EGFR: variants seen among roughly 807,000 people sequenced by gnomAD.
EGFR encodes avian erythroblastic leukemia viral (v-erb-b) oncogene homolog.
Under a neutral mutation model 143.0 loss-of-function variants are expected in EGFR, and 58 were observed. That is an observed-to-expected ratio of 0.41 (90% CI 0.33 to 0.50). The LOEUF is 0.50. EGFR is among the 20% of genes least tolerant of loss of function. EGFR has a pLI of 0.39. For synonymous variants in EGFR, 613 were observed against 594.4 expected, an observed-to-expected ratio of 1.03 and a Z score of -0.45; for missense variants, 1,307 against 1,579.0, an observed-to-expected ratio of 0.83 and a Z score of 2.92.
chr7:55,049,466 A>C (rs1211063128), intron 1 of EGFR, among the ~76,000 whole-genome samples: 1 of 152,202 alleles, frequency 6.6e-6, no homozygotes, highest in East Asian at 1.9e-4. Context: ...CAAACAGACC[A>C]GTGCTTGTAT....
At chr7:55,028,657 G>A (rs889655769) in intron 1 of EGFR, among the ~76,000 whole-genome samples, 11 of 152,028 alleles carry the variant, frequency 7.2e-5, no homozygotes, top group South Asian at 2.1e-4. Context: ...AAATTGTGCC[G>A]AACAAGATAA....
At chr7:55,181,213 C>T (rs2128958018) in intron 19 of EGFR, 80 bp from the exon 20 acceptor site, 1 of 1,526,122 alleles carries the variant, frequency 6.6e-7, no homozygotes, top group Non-Finnish European at 9.1e-7. Flanking sequence ...ATTCATGCGT[C>T]TTCACCTGGA....
rs543531153 is a variant in EGFR, at chr7:55,131,247, C to A, written c.89-11039C>A. On this transcript the variant is annotated intron_variant, in intron 1 of 27. Transcript: ENST00000275493. ...AGTAACAGTGCAGCTGCCTGTGGTTCTGTCGACTAAACTGCCGGCAGAGGC... is the reference window on the plus strand; with the variant it reads ...AGTAACAGTGCAGCTGCCTGTGGTTATGTCGACTAAACTGCCGGCAGAGGC... Among the ~76,000 whole-genome samples the A allele has an allele frequency of 2.0e-5, 3 of 151,984 alleles. No homozygotes were observed. The East Asian group carries it at 5.8e-4, about 29-fold the overall frequency.
intron 19 of EGFR, among the ~76,000 whole-genome samples, chr7:55,177,254 G>A (rs1051109982): frequency 6.6e-6 from 1 of 152,160 alleles, no homozygotes; most frequent in South Asian, 2.1e-4. Context: ...GGGATGGAGA[G>A]GGGGAAGCTG....
At chr7:55,092,815 C>T (rs978289335) in intron 1 of EGFR, among the ~76,000 whole-genome samples, 5 of 152,244 alleles carry the variant, frequency 3.3e-5, no homozygotes, top group East Asian at 1.9e-4. Flanking sequence ...GGACCGGCAC[C>T]GTATCTCCAG....
chr7:55,157,071 C>T, intron 10 of EGFR: 1 of 1,006,724 alleles, frequency 9.9e-7, no homozygotes, highest in Non-Finnish European at 1.4e-6. Context: ...TCCCGCCCGG[C>T]CCCAGCCAGC....
At chr7:55,168,717 T>C (rs1786194128) in intron 15 of EGFR, 1 of 792,724 alleles carries the variant, frequency 1.3e-6, no homozygotes, top group East Asian at 2.8e-5. Context: ...GTATATAGTT[T>C]GATATAATCT....
intron 1 of EGFR, among the ~76,000 whole-genome samples, chr7:55,117,191 T>C (rs960731586): frequency 2.0e-5 from 3 of 152,232 alleles, no homozygotes; most frequent in African/African-American, 7.2e-5. Flanking sequence ...TACTTAACTA[T>C]TCAGCAAATT....
At chr7:55,143,555 G>A (rs556932979) in intron 3 of EGFR, 67 bp downstream of exon 3, 57 of 1,570,424 alleles carry the variant, frequency 3.6e-5, no homozygotes, top group African/African-American at 1.5e-4. Context: ...GGCTCCCAGC[G>A]AGCTTGTCAC....
At chr7:55,049,068 A>G (rs1229626748) in intron 1 of EGFR, among the ~76,000 whole-genome samples, 1 of 152,194 alleles carries the variant, frequency 6.6e-6, no homozygotes, top group Non-Finnish European at 1.5e-5. Context: ...ATAAATGGAA[A>G]CGCACATTTA....
intron 1 of EGFR, among the ~76,000 whole-genome samples, chr7:55,078,706 G>C (rs1790278790): frequency 6.6e-6 from 1 of 152,202 alleles, no homozygotes; most frequent in African/African-American, 2.4e-5. Flanking sequence ...TGGACGCTGT[G>C]GTGACTCCAC....
intron 1 of EGFR, among the ~76,000 whole-genome samples, chr7:55,045,147 T>A (rs1022073701): frequency 6.6e-6 from 1 of 152,152 alleles, no homozygotes; most frequent in Admixed American, 6.5e-5. Context: ...AGTTATGGAG[T>A]TGGAGACCCC....
In EGFR at chr7:55,207,718, C is replaced by A. The variant is rs932437629; in HGVS notation, c.*2101C>A. ...GGCTGAGGTCAGTCACCCTAAACAA[C>A]CTGCTCCCTCTAAGCCAGGGGATGA... On this transcript the variant is annotated 3_prime_UTR_variant, in exon 28 of 28. Transcript: ENST00000275493. The A allele has an allele frequency of 6.6e-6, 1 of 152,532 alleles. No homozygotes were observed. Among genetic ancestry groups the A allele is most frequent in the African/African-American group, 2.4e-5 (1 of 41,468 alleles). The allele number at this position is 152,532 out of a possible 1,614,324, so 9.4% of individuals were successfully genotyped here.
At chr7:55,153,753 A>T (rs1785268618) in intron 6 of EGFR, among the ~76,000 whole-genome samples, 1 of 152,206 alleles carries the variant, frequency 6.6e-6, no homozygotes, top group Non-Finnish European at 1.5e-5. Flanking sequence ...ACGTTAGTAA[A>T]CAGACGTATT....
intron 1 of EGFR, among the ~76,000 whole-genome samples, chr7:55,106,813 G>A (rs963844542): frequency 6.6e-6 from 1 of 152,046 alleles, no homozygotes; most frequent in Non-Finnish European, 1.5e-5. Flanking sequence ...ACTGTAAAGT[G>A]TACATTTTAA....
At chr7:55,146,536 G>GCA in intron 3 of EGFR, 70 bp from the exon 4 acceptor site, 1 of 1,605,990 alleles carries the variant, frequency 6.2e-7, no homozygotes, top group Non-Finnish European at 8.5e-7. Context: ...AATGCGAAGA[G>GCA]CACATGCATC....
At position 55,156,657 on chromosome 7, in the gene EGFR, G is replaced by A. The variant is rs1785432794; in HGVS notation, c.1131G>A (p.Arg377=). 1.2e-6 allele frequency: 2 copies of A among 1,614,214 alleles called. No homozygotes were observed. The highest frequency in any genetic ancestry group is 8.5e-7 in the Non-Finnish European group (1 of 1,180,034). ...TCCACATCCTGCCGGTGGCATTTAG[G>A]GGGTGAGTCACAGGTTCAGTTGCTT... ...GDLHILPVAF[R]GDSFTHTPPL... is the part of the protein sequence containing the mutation. The change falls in exon 9 of 28, where the codon AGG becomes AGA. Residue 377 remains arginine, a splice_region_variant and synonymous_variant. Coordinates refer to ENST00000275493, the MANE Select transcript of EGFR (RefSeq NM_005228.5).
chr7:55,116,756 G>A (rs1221881297), intron 1 of EGFR, among the ~76,000 whole-genome samples: 1 of 152,218 alleles, frequency 6.6e-6, no homozygotes, highest in Non-Finnish European at 1.5e-5. Context: ...GAATCCTCCA[G>A]TAGGTACTCC....
rs528636876 is a variant in EGFR, at chr7:55,164,185, T to C, written c.1722+362T>C. On this transcript the variant is annotated intron_variant, in intron 14 of 27. Coordinates refer to ENST00000275493, the MANE Select transcript of EGFR (RefSeq NM_005228.5). ...ATTCTTAACATTAGCTTGTAATTAA[T>C]TGAAGAATTTTTAAAGAAATTGCTA... Among the ~76,000 whole-genome samples the C allele has an allele frequency of 7.9e-5, 12 of 152,362 alleles. No homozygotes were observed. The East Asian group carries it at 9.6e-4, about 12-fold the overall frequency.
Sources: gnomAD v4.1 joint callset for allele counts (sites outside exome capture counted in the v4.1 genomes callset) on GRCh38, gnomAD v4.1.1 for gene constraint, MANE v1.5 for transcripts, NCBI Gene and HGNC (gene_info 2026-07-23, HGNC 2026-07-21) for gene names.